The following TENM1 variants were observed in gnomAD, a reference collection of about 807,000 sequenced individuals.
TENM1 encodes the protein teneurin transmembrane protein 1, also known as teneurin-1.
In TENM1, 35 loss-of-function variants were observed where a neutral mutation model predicts 174.8. The ratio of observed to expected loss-of-function variants is 0.20; its 90% CI spans 0.15 to 0.27. The LOEUF is 0.27. Ranked by LOEUF, TENM1 falls within the 10% of genes least tolerant of loss-of-function variation. The pLI is 1.00. For missense variants in TENM1, 1,633 were observed against 2,130.1 expected (o/e 0.77, Z 4.59); for synonymous variants, 781 against 798.7 (o/e 0.98, Z 0.37).
intron 11 of TENM1, among the ~76,000 whole-genome samples, chrX:124,590,374 T>C (rs924610362): frequency 2.6e-4 from 29 of 109,601 alleles, no homozygotes; most frequent in Non-Finnish European, 1.7e-4. Context: ...TGAACTCCCA[T>C]TCACAATTGC....
chrX:124,839,935 GTGGATAGGGCACAGGAT>G (rs2056464597), intron 3 of TENM1, among the ~76,000 whole-genome samples: 1 of 111,150 alleles, frequency 9.0e-6, no homozygotes, highest in Non-Finnish European at 1.9e-5. Flanking sequence ...AGTGACAGGA[GTGGATAGGGCACAGGAT>G]TGGATCCTTG....
At chrX:125,016,415 A>G in the TENM1 span, among the ~76,000 whole-genome samples, 52 of 111,504 alleles carry the variant, frequency 4.7e-4, no homozygotes, top group Admixed American at 4.5e-3. Flanking sequence ...CCTGTATGCC[A>G]ATAATAGACA....
intron 1 of TENM1, among the ~76,000 whole-genome samples, chrX:124,953,573 C>A (rs1220332178): frequency 9.0e-6 from 1 of 111,411 alleles, no homozygotes; most frequent in African/African-American, 3.3e-5. Context: ...AAAGACAAAG[C>A]TCTTTTTCCC....
intron 11 of TENM1, among the ~76,000 whole-genome samples, chrX:124,616,328 A>C (rs143671568): frequency 8.9e-6 from 1 of 112,768 alleles, no homozygotes; most frequent in Non-Finnish European, 1.9e-5. Flanking sequence ...CCTCAAATTA[A>C]ACTATATAAA....
the TENM1 span, among the ~76,000 whole-genome samples, chrX:125,173,249 A>G: frequency 8.9e-6 from 1 of 111,879 alleles, no homozygotes; most frequent in Admixed American, 9.5e-5. Flanking sequence ...AATATAATTT[A>G]GTATGAACAT....
rs749637837 is a variant in TENM1, at chrX:124,847,467, A to T, written c.535+46829T>A. Among the ~76,000 whole-genome samples the T allele has an allele frequency of 7.6e-4, 85 of 111,347 alleles. 2 individuals are homozygous for T. The Middle Eastern group carries it at 0.018, about 24-fold the overall frequency. The stretch of plus-strand genomic sequence containing the variant: ...TGTGTCTGTAACTTCTGTATTGGAC[A>T]TGCAATTCAGGGTGATTAAACCAAT... On this transcript the variant is annotated intron_variant, in intron 3 of 31. Coordinates refer to ENST00000422452, the Ensembl canonical transcript of TENM1.
At chrX:124,564,148 A>G (rs192779311) in intron 12 of TENM1, among the ~76,000 whole-genome samples, 2 of 111,560 alleles carry the variant, frequency 1.8e-5, no homozygotes, top group Admixed American at 1.9e-4. Flanking sequence ...AATCATCACA[A>G]TATTTAAATC....
chrX:125,165,586 A>T, the TENM1 span, among the ~76,000 whole-genome samples: 2 of 112,097 alleles, frequency 1.8e-5, no homozygotes, highest in African/African-American at 6.5e-5. Flanking sequence ...CAGTGGGAAG[A>T]CAAAAGCTGA....
intron 11 of TENM1, among the ~76,000 whole-genome samples, chrX:124,587,022 C>T (rs1362503462): frequency 9.1e-6 from 1 of 109,866 alleles, no homozygotes; most frequent in East Asian, 2.9e-4. Context: ...CAAACCACTG[C>T]TCAAGGAAAT....
chrX:125,088,574 A>T, the TENM1 span, among the ~76,000 whole-genome samples: 5 of 111,328 alleles, frequency 4.5e-5, no homozygotes. Context: ...AAGCTTATTA[A>T]TTTTTTTAAA....
intron 5 of TENM1, among the ~76,000 whole-genome samples, chrX:124,680,534 A>G (rs2052208269): frequency 9.0e-6 from 1 of 110,818 alleles, no homozygotes; most frequent in Admixed American, 9.7e-5. Context: ...TATCAGACAG[A>G]CACAATTATT....
intron 14 of TENM1, among the ~76,000 whole-genome samples, chrX:124,552,785 C>T (rs1487311680): frequency 9.0e-6 from 1 of 111,416 alleles, no homozygotes; most frequent in Non-Finnish European, 1.9e-5. Flanking sequence ...GTTATCAGGA[C>T]GTTTGCACAC....
intron 5 of TENM1, among the ~76,000 whole-genome samples, chrX:124,680,399 T>C (rs1017522516): frequency 5.4e-5 from 6 of 111,488 alleles, no homozygotes; most frequent in Non-Finnish European, 1.1e-4. Context: ...TACTACGTAT[T>C]TTATATTTTC....
chrX:124,861,245 G>A (rs1442788092), intron 3 of TENM1, among the ~76,000 whole-genome samples: 1 of 111,719 alleles, frequency 9.0e-6, no homozygotes, highest in Non-Finnish European at 1.9e-5. Context: ...TTATCTTTCT[G>A]TTTTTTGGTT....
the TENM1 span, among the ~76,000 whole-genome samples, chrX:125,080,674 G>C: frequency 9.0e-6 from 1 of 110,876 alleles, no homozygotes; most frequent in African/African-American, 3.3e-5. Context: ...GCCCGAGCTA[G>C]TAACTTTTTA....
At chrX:124,761,668 C>T (rs759066202) in intron 3 of TENM1, among the ~76,000 whole-genome samples, 124 of 109,861 alleles carry the variant, frequency 1.1e-3, no homozygotes, top group Non-Finnish European at 1.7e-3. Context: ...GTTGTGCACA[C>T]GTACCCTAGA....
chrX:124,655,550 C>A (rs2051420409), intron 6 of TENM1, among the ~76,000 whole-genome samples: 1 of 112,071 alleles, frequency 8.9e-6, no homozygotes, highest in African/African-American at 3.2e-5. Flanking sequence ...GGTCTCTGTT[C>A]TTTGTGCTCA....
intron 3 of TENM1, among the ~76,000 whole-genome samples, chrX:124,893,413 T>A (rs967264027): frequency 1.8e-5 from 2 of 112,783 alleles, no homozygotes; most frequent in African/African-American, 6.4e-5. Context: ...CACAGAGTGG[T>A]CATAAGGATG....
At chrX:125,099,533 T>A in the TENM1 span, among the ~76,000 whole-genome samples, 2 of 111,845 alleles carry the variant, frequency 1.8e-5, no homozygotes, top group African/African-American at 6.5e-5. Flanking sequence ...TGTCATCACA[T>A]CACAGGCAGT....
Sources: allele counts gnomAD v4.1 joint callset (sites outside exome capture counted in the v4.1 genomes callset), GRCh38; gene constraint gnomAD v4.1.1; transcripts MANE v1.5; gene names NCBI Gene and HGNC (gene_info 2026-07-23, HGNC 2026-07-21).